Variants in U2AF2 observed in about 807,000 individuals in gnomAD.
U2AF2 encodes splicing factor U2AF 65 kDa subunit.
U2AF2 carries 6 observed loss-of-function variants against 52.6 expected under a neutral mutation model. The ratio of observed to expected loss-of-function variants is 0.11; its 90% CI spans 0.06 to 0.23. The LOEUF is 0.23. U2AF2 is among the 10% of genes least tolerant of loss of function. U2AF2 has a pLI of 1.00. For synonymous variants in U2AF2, 284 were observed against 258.2 expected (o/e 1.10, Z -0.96); for missense variants, 222 against 677.1 (o/e 0.33, Z 7.46).
intron 11 of U2AF2, 104 bp downstream of exon 11, chr19:55,669,796 T>C: frequency 7.0e-7 from 1 of 1,434,450 alleles, no homozygotes; most frequent in Non-Finnish European, 9.2e-7. Flanking sequence ...CCTCCTCTTC[T>C]CCGCGCGCTC....
chr19:55,670,364 G>A (rs2122124286), intron 11 of U2AF2, among the ~76,000 whole-genome samples: 1 of 149,170 alleles, frequency 6.7e-6, no homozygotes, highest in Non-Finnish European at 1.5e-5. Flanking sequence ...GTGTATGTAT[G>A]GAATTCCCAT....
At chr19:55,660,253 A>G (rs886908117) in intron 3 of U2AF2, 32 bp downstream of exon 3, 2 of 1,606,082 alleles carry the variant, frequency 1.2e-6, no homozygotes, top group Non-Finnish European at 1.7e-6. Context: ...TTCCTCCCTG[A>G]TGTCCACTCC....
intron 1 of U2AF2, 179 bp from the exon 2 acceptor site, chr19:55,659,031 C>A: frequency 9.8e-7 from 1 of 1,016,522 alleles, no homozygotes; most frequent in South Asian, 3.5e-5. Context: ...CTGGTCCCCT[C>A]ATGGTCCCTG....
chr19:55,658,484 C>CA (rs1367647772), intron 1 of U2AF2, among the ~76,000 whole-genome samples: 3 of 152,156 alleles, frequency 2.0e-5, no homozygotes, highest in Admixed American at 2.0e-4. Flanking sequence ...CGCCCCTACT[C>CA]ACGCCTTTAC....
chr19:55,659,448 T>C, intron 2 of U2AF2, 103 bp downstream of exon 2: 2 of 1,311,946 alleles, frequency 1.5e-6, no homozygotes, highest in East Asian at 3.1e-5. Flanking sequence ...GTCCGGGCCC[T>C]GTGTGGCTCG....
At chr19:55,667,690 G>A (rs1303550814) in intron 7 of U2AF2, among the ~76,000 whole-genome samples, 3 of 152,182 alleles carry the variant, frequency 2.0e-5, no homozygotes, top group Admixed American at 6.5e-5. Flanking sequence ...GGGCAGCCGC[G>A]GCTGCTCATC....
intron 7 of U2AF2, among the ~76,000 whole-genome samples, chr19:55,667,700 C>T (rs903092138): frequency 6.6e-6 from 1 of 152,108 alleles, no homozygotes; most frequent in South Asian, 2.1e-4. Context: ...GGCTGCTCAT[C>T]GTGTCGTGCC....
intron 1 of U2AF2, among the ~76,000 whole-genome samples, chr19:55,655,369 C>G (rs975295284): frequency 6.6e-6 from 1 of 152,184 alleles, no homozygotes; most frequent in Non-Finnish European, 1.5e-5. Flanking sequence ...GCCCGTGACG[C>G]ATGCGCACGG....
chr19:55,669,497 C>G lies in U2AF2; in HGVS notation c.1098C>G (p.Ser366=). ...TGCAAGTGCCGGGCTTGATGAGCTC[C>G]CAGGTGCAGATGGGCGGCCACCCGA... ...VTLQVPGLMS[S]QVQMGGHPTE... is the part of the protein sequence containing the mutation. The change falls in exon 11 of 12, where the codon TCC becomes TCG. Residue 366 remains serine (S), a synonymous_variant. Coordinates refer to ENST00000308924, the MANE Select transcript of U2AF2 (RefSeq NM_007279.3). 2 of 1,613,716 alleles carry G rather than the reference C, an allele frequency of 1.2e-6. No individual in the cohort carries two copies. Among genetic ancestry groups the G allele is most frequent in the Non-Finnish European group, 1.7e-6 (2 of 1,179,858 alleles).
rs762091937 is a variant in U2AF2, at chr19:55,669,185, C to T, written c.1044+4C>T. On this transcript the variant is annotated splice_donor_region_variant and intron_variant, in intron 10 of 11. Coordinates refer to ENST00000308924, the MANE Select transcript of U2AF2 (RefSeq NM_007279.3). ...TGCCACGCTGGTGAGCCCCCCGGCA[C>T]GTCATCTTCCATTGGCTTGAGGGAC... 8.7e-6 allele frequency: 14 copies of T among 1,613,544 alleles called. No homozygotes were observed. The Middle Eastern group carries it at 6.6e-4, about 76-fold the overall frequency.
chr19:55,672,659 C>T (rs1362457988), intron 11 of U2AF2, among the ~76,000 whole-genome samples: 1 of 152,008 alleles, frequency 6.6e-6, no homozygotes, highest in Non-Finnish European at 1.5e-5. Context: ...TTAACAAAAC[C>T]ACAATAGCAT....
In U2AF2 at chr19:55,668,960, C is replaced by G. The variant is rs1984711797; in HGVS notation, c.946-123C>G. The G allele has an allele frequency of 9.5e-6, 14 of 1,480,700 alleles. No individual in the cohort carries two copies. Among genetic ancestry groups the G allele is most frequent in the Non-Finnish European group, 1.3e-5 (14 of 1,098,608 alleles). 91.7% of individuals were successfully genotyped at this position (1,480,700 alleles called of 1,614,324 possible). On this transcript the variant is annotated intron_variant, in intron 9 of 11. Coordinates refer to ENST00000308924, the MANE Select transcript of U2AF2 (RefSeq NM_007279.3). The surrounding 1 kb of genome is among the most constrained non-coding windows in gnomAD (Gnocchi z 5.5). ...CCATGGCGTTGGCTTTTTCCAGGCT[C>G]TTAATCCCCTTTGCCTTCCCCTCTT...
intron 11 of U2AF2, among the ~76,000 whole-genome samples, chr19:55,673,043 AG>A (rs1251387196): frequency 6.6e-6 from 1 of 151,936 alleles, no homozygotes; most frequent in Non-Finnish European, 1.5e-5. Flanking sequence ...CCCGAGTTAA[AG>A]AAGAGTAGCT....
chr19:55,663,849 C>T lies in U2AF2; in HGVS notation c.742+105C>T, dbSNP rs1303714710. On this transcript the variant is annotated intron_variant, in intron 7 of 11. Transcript: ENST00000308924. ...AGTGGCTTAGGAAGTTGTGTAAGTA[C>T]TGTGGAAGATAGGTGCCTTTTCCCT... 5.9e-6 allele frequency: 9 copies of T among 1,515,260 alleles called. No individual in the cohort carries two copies. In the Admixed American group the frequency reaches 1.2e-4, roughly 20 times the overall value. The allele number at this position is 1,515,260 out of a possible 1,614,324, so 93.9% of individuals were successfully genotyped here.
chr19:55,655,462 CTT>C lies in U2AF2; in HGVS notation c.49+312_49+313del, dbSNP rs1983724553. ...AGCGCGCCAGATGCCTCGACGTGAA[CTT>C]TTGTTTTTTAAAATCTTTTTGGTTT... On this transcript the variant is annotated intron_variant, in intron 1 of 11. Coordinates refer to ENST00000308924, the MANE Select transcript of U2AF2 (RefSeq NM_007279.3). Among the ~76,000 whole-genome samples, 4 of 152,366 alleles carry C rather than the reference CTT, an allele frequency of 2.6e-5. No homozygotes were observed. In the South Asian group the frequency reaches 6.2e-4, roughly 24 times the overall value.
rs972077676 is a variant in U2AF2 at position 55,668,865 on chromosome 19, C to G, written c.945+73C>G. On this transcript the variant is annotated intron_variant, in intron 9 of 11. Coordinates refer to ENST00000308924, the MANE Select transcript of U2AF2 (RefSeq NM_007279.3). The surrounding 1 kb of genome is among the most constrained non-coding windows in gnomAD (Gnocchi z 5.5). ...TGCGCTGTTGCCAAGCCATGGTCTC[C>G]CCTCCTCAGGGGACGGGGCGGGAGG... is the stretch of plus-strand genomic sequence containing the variant. 6 of 1,564,876 alleles carry G rather than the reference C, an allele frequency of 3.8e-6. No homozygotes were observed. The African/African-American group carries it at 8.1e-5, about 21-fold the overall frequency.
intron 7 of U2AF2, among the ~76,000 whole-genome samples, chr19:55,665,088 C>T (rs1471816531): frequency 2.6e-5 from 4 of 152,212 alleles, no homozygotes; most frequent in Non-Finnish European, 4.4e-5. Context: ...TGTTGACATG[C>T]TCCCAATCGA....
intron 3 of U2AF2, 31 bp from the exon 4 acceptor site, chr19:55,660,485 C>G (rs779020652): frequency 1.9e-6 from 2 of 1,068,822 alleles, no homozygotes; most frequent in African/African-American, 1.6e-5. Flanking sequence ...TGAGGTTGCC[C>G]TGCCCCGCTC....
chr19:55,669,941 C>G (rs1420100040), intron 11 of U2AF2, among the ~76,000 whole-genome samples: 1 of 152,194 alleles, frequency 6.6e-6, no homozygotes, highest in African/African-American at 2.4e-5. Flanking sequence ...CCAAGACCTG[C>G]AGGCGAGACA....
Sources: gnomAD v4.1 joint callset for allele counts (sites outside exome capture counted in the v4.1 genomes callset) on GRCh38, gnomAD v4.1.1 for gene constraint, Gnocchi (gnomAD v3.1) non-coding constraint, MANE v1.5 for transcripts, NCBI Gene and HGNC (gene_info 2026-07-23, HGNC 2026-07-21) for gene names.